Variants in AIG1 observed in about 807,000 individuals in gnomAD.
AIG1 encodes androgen-induced gene 1 protein.
A neutral mutation model predicts 31.4 loss-of-function variants in AIG1; 23 were observed. The ratio of observed to expected loss-of-function variants is 0.73; its 90% CI spans 0.53 to 1.04. AIG1 has a LOEUF of 1.04. Among genes scored for constraint, AIG1 ranks in the 50% least tolerant of loss-of-function variants. The pLI is 0.00. For missense variants in AIG1, 274 were observed against 295.0 expected, an observed-to-expected ratio of 0.93 and a Z score of 0.52; for synonymous variants, 100 against 110.5, an observed-to-expected ratio of 0.90 and a Z score of 0.60.
At chr6:143,335,141 A>C in intron 5 of AIG1, 1 of 1,393,330 alleles carries the variant, frequency 7.2e-7, no homozygotes, top group African/African-American at 1.5e-5. Flanking sequence ...CCTCATTTAC[A>C]AGAGGGGTCA....
intron 4 of AIG1, among the ~76,000 whole-genome samples, chr6:143,309,816 C>A (rs570103618): frequency 2.1e-4 from 31 of 150,380 alleles, no homozygotes; most frequent in African/African-American, 7.5e-4. Flanking sequence ...GAAAGATATG[C>A]TAACACTAAT....
intron 1 of AIG1, among the ~76,000 whole-genome samples, chr6:143,090,291 GTCTT>G (rs1302188900): frequency 6.9e-5 from 10 of 145,002 alleles, no homozygotes; most frequent in Non-Finnish European, 1.2e-4. Context: ...CTATCTATCT[GTCTT>G]TCTATCTATC....
intron 1 of AIG1, among the ~76,000 whole-genome samples, chr6:143,087,757 G>C (rs1272543928): frequency 6.6e-6 from 1 of 152,206 alleles, no homozygotes; most frequent in African/African-American, 2.4e-5. Context: ...ACATCTTTAA[G>C]AGAATATCTT....
chr6:143,208,995 A>G (rs988039152), intron 3 of AIG1, among the ~76,000 whole-genome samples: 2 of 151,964 alleles, frequency 1.3e-5, no homozygotes, highest in Admixed American at 6.6e-5. Context: ...GAGGACAAGC[A>G]GGAGAAAGGC....
chr6:143,119,079 G>C (rs959068722), intron 1 of AIG1, among the ~76,000 whole-genome samples: 113 of 152,042 alleles, frequency 7.4e-4, no homozygotes, highest in African/African-American at 2.7e-3. Flanking sequence ...TCATCATGTT[G>C]CCCAGGCTGG....
intron 4 of AIG1, among the ~76,000 whole-genome samples, chr6:143,306,545 T>C (rs1000119764): frequency 2.0e-5 from 3 of 152,242 alleles, no homozygotes; most frequent in Admixed American, 6.5e-5. Flanking sequence ...CTCTTCTGGC[T>C]TGTAGAGTTT....
At chr6:143,229,256 T>G (rs1793248312) in intron 3 of AIG1, among the ~76,000 whole-genome samples, 1 of 152,260 alleles carries the variant, frequency 6.6e-6, no homozygotes, top group African/African-American at 2.4e-5. Flanking sequence ...GAGACTTAAG[T>G]TGTAATTCTG....
intron 3 of AIG1, among the ~76,000 whole-genome samples, chr6:143,244,245 A>T (rs1414353894): frequency 6.6e-6 from 1 of 152,198 alleles, no homozygotes; most frequent in Non-Finnish European, 1.5e-5. Context: ...GATTGGCAGG[A>T]TGTGGGAGTT....
At chr6:143,269,555 A>G (rs1203076724) in intron 3 of AIG1, among the ~76,000 whole-genome samples, 3 of 152,228 alleles carry the variant, frequency 2.0e-5, no homozygotes, top group African/African-American at 7.2e-5. Context: ...CAAATGCACC[A>G]AACTGGAGAG....
chr6:143,242,850 G>A (rs564687322), intron 3 of AIG1, among the ~76,000 whole-genome samples: 1 of 152,230 alleles, frequency 6.6e-6, no homozygotes, highest in African/African-American at 2.4e-5. Context: ...AAGTGCATGC[G>A]ACATCATGGC....
rs531140640 is a variant in AIG1 at position 143,264,551 on chromosome 6, A to G, written c.400-19559A>G. Among the ~76,000 whole-genome samples, 3 of 152,292 alleles carry G rather than the reference A, an allele frequency of 2.0e-5. No homozygotes were observed. The South Asian group carries it at 6.2e-4, about 32-fold the overall frequency. On this transcript the variant is annotated intron_variant, in intron 3 of 5. Transcript: ENST00000357847. The stretch of plus-strand genomic sequence containing the variant: ...GGATGAAGTGTGGCCAAGCCAGCAC[A>G]AGGTGGGGGACCAGATGTCGCCCGA...
In AIG1 at chr6:143,293,727, A is replaced by G. The variant is rs542372194; in HGVS notation, c.515+9502A>G. Among the ~76,000 whole-genome samples the G allele has an allele frequency of 9.2e-5, 14 of 152,234 alleles. No homozygotes were observed. Among genetic ancestry groups the G allele is most frequent in the African/African-American group, 3.4e-4 (14 of 41,542 alleles). On this transcript the variant is annotated intron_variant, in intron 4 of 5. Transcript: ENST00000357847. This position sits in a 1 kb window ranked among gnomAD's most constrained non-coding sequence, Gnocchi z 4.8. The stretch of plus-strand genomic sequence containing the variant: ...GAACTAGAATTCCCCATGTGCTATT[A>G]ACCTTGCCCCACCCTGAAGTCATGT...
intron 2 of AIG1, 147 bp downstream of exon 2, chr6:143,137,137 A>G: frequency 2.4e-6 from 2 of 850,494 alleles, no homozygotes; most frequent in Non-Finnish European, 3.2e-6. Context: ...GGTGGCTTAA[A>G]CAACAAACAT....
chr6:143,337,094 C>G (rs1030070596), intron 5 of AIG1, among the ~76,000 whole-genome samples: 1 of 152,176 alleles, frequency 6.6e-6, no homozygotes, highest in African/African-American at 2.4e-5. Flanking sequence ...CACAGGAGCC[C>G]CACCCCCACA....
At position 143,333,518 on chromosome 6, in the gene AIG1, A is replaced by G. The variant is rs1207128353; in HGVS notation, c.679+73A>G. The G allele has an allele frequency of 1.9e-5, 28 of 1,480,414 alleles. No homozygotes were observed. In the East Asian group the frequency reaches 6.4e-4, roughly 34 times the overall value. The allele number at this position is 1,480,414 out of a possible 1,614,324, so 91.7% of individuals were successfully genotyped here. ...ACAGTCTATGCAGAGACTGAGGGAA[A>G]ATTCCACTGTAGCCTCTTCTTTTAG... On this transcript the variant is annotated intron_variant, in intron 5 of 5. Transcript: ENST00000357847. This position sits in a 1 kb window ranked among gnomAD's most constrained non-coding sequence, Gnocchi z 4.6.
At chr6:143,218,194 T>C (rs996505978) in intron 3 of AIG1, among the ~76,000 whole-genome samples, 5 of 152,346 alleles carry the variant, frequency 3.3e-5, no homozygotes, top group Admixed American at 2.6e-4. Flanking sequence ...TTTATTTAGT[T>C]GTGGGATATT....
chr6:143,210,116 C>A (rs1016431962), intron 3 of AIG1, among the ~76,000 whole-genome samples: 7 of 152,178 alleles, frequency 4.6e-5, no homozygotes, highest in Admixed American at 3.3e-4. Context: ...TGAGTGAGTT[C>A]TTTTGAGATC....
chr6:143,236,759 C>T (rs921704958), intron 3 of AIG1, among the ~76,000 whole-genome samples: 5 of 152,204 alleles, frequency 3.3e-5, no homozygotes, highest in Non-Finnish European at 5.9e-5. Context: ...CCAACTAAAA[C>T]ACATTTGCAT....
chr6:143,159,529 A>G (rs1328783559), intron 2 of AIG1, among the ~76,000 whole-genome samples: 1 of 152,268 alleles, frequency 6.6e-6, no homozygotes, highest in Non-Finnish European at 1.5e-5. Flanking sequence ...AATTCATAGC[A>G]TAAAAAATTA....
Sources: allele counts gnomAD v4.1 joint callset (sites outside exome capture counted in the v4.1 genomes callset), GRCh38; gene constraint gnomAD v4.1.1; non-coding constraint Gnocchi (gnomAD v3.1); transcripts MANE v1.5; gene names NCBI Gene and HGNC (gene_info 2026-07-23, HGNC 2026-07-21).